Variants in MFGE8 observed in about 807,000 individuals in gnomAD.
MFGE8 encodes lactadherin.
Under a neutral mutation model 42.6 loss-of-function variants are expected in MFGE8, and 34 were observed. The observed-to-expected ratio is 0.80, with a 90% confidence interval of 0.61 to 1.06. MFGE8 has a LOEUF of 1.06. Ranked by LOEUF, MFGE8 falls within the 50% of genes least tolerant of loss-of-function variation. The pLI is 0.00. For missense variants in MFGE8, 510 were observed against 516.9 expected, an observed-to-expected ratio of 0.99 and a Z score of 0.13; for synonymous variants, 230 against 214.8, an observed-to-expected ratio of 1.07 and a Z score of -0.62.
chr15:88,901,774 A>G (rs1453186799), intron 5 of MFGE8, 39 bp from the exon 6 acceptor site: 3 of 1,599,560 alleles, frequency 1.9e-6, no homozygotes, highest in African/African-American at 2.7e-5. Context: ...TCTGGGATCC[A>G]CAGCTCCCAG....
intron 1 of MFGE8, chr15:88,912,123 C>A: frequency 7.8e-7 from 1 of 1,289,790 alleles, no homozygotes. Flanking sequence ...AGCCACGTTA[C>A]CTGTGTGTAA....
intron 2 of MFGE8, 86 bp from the exon 3 acceptor site, chr15:88,907,462 G>C (rs1481013212): frequency 1.6e-6 from 2 of 1,231,938 alleles, no homozygotes; most frequent in East Asian, 2.3e-5. Flanking sequence ...AAATAAGACT[G>C]TATGACCTCT....
rs762684086 is a variant in MFGE8, at chr15:88,901,281, TCACATTCACA to T, written c.870+260_870+269del. Among the ~76,000 whole-genome samples the T allele has an allele frequency of 3.5e-4, 34 of 97,862 alleles. No homozygotes were observed. The South Asian group carries it at 3.5e-3, about 10-fold the overall frequency. The allele number at this position is 97,862 out of a possible 152,430, so 64.2% of individuals were successfully genotyped here. A position where few individuals can be genotyped will look rare whatever the true frequency, so the allele number is the denominator to read the frequency against. On this transcript the variant is annotated intron_variant, in intron 6 of 7. Coordinates refer to ENST00000268150, the MANE Select transcript of MFGE8 (RefSeq NM_005928.4). Reference sequence around the variant, plus strand: ...TTCACACGCACGCATTCACACACACTCACATTCACACACATTCACACACTCACACACACAC... The same window carrying T: ...TTCACACGCACGCATTCACACACACTCACATTCACACACTCACACACACAC...
At chr15:88,912,088 G>C (rs1409530245) in intron 1 of MFGE8, 1 of 1,286,024 alleles carries the variant, frequency 7.8e-7, no homozygotes, top group African/African-American at 1.5e-5. Context: ...TGGGAAAAAG[G>C]GAAAGGGAAA....
chr15:88,908,087 G>T (rs891900079), intron 2 of MFGE8, among the ~76,000 whole-genome samples: 1 of 152,082 alleles, frequency 6.6e-6, no homozygotes, highest in African/African-American at 2.4e-5. Flanking sequence ...CATGCCCGTG[G>T]CCAAGGCCCC....
chr15:88,913,256 C>G lies in MFGE8; in HGVS notation c.64G>C (p.Val22Leu), dbSNP rs1166140103. The G allele has an allele frequency of 1.2e-5, 18 of 1,505,492 alleles. No homozygotes were observed. Among genetic ancestry groups the G allele is most frequent in the Non-Finnish European group, 1.8e-6 (2 of 1,135,124 alleles). 93.3% of individuals were successfully genotyped at this position (1,505,492 alleles called of 1,614,324 possible). A position where few individuals can be genotyped will look rare whatever the true frequency, so the allele number is the denominator to read the frequency against. Residue 22 changes from valine to leucine, a missense_variant, in exon 1 of 8, where the codon GTC becomes CTC. Coordinates refer to ENST00000268150, the MANE Select transcript of MFGE8 (RefSeq NM_005928.4). ...GGCGCGATCCACTCACCCAGGGCGA[C>G]GAGGAGGCTGGGGGCGCAGAGCAGC... is the stretch of plus-strand genomic sequence containing the variant. ...GALLCAPSLL[V>L]ALDICSKNPC...
chr15:88,912,196 G>A (rs529563132), intron 1 of MFGE8: 118 of 1,289,224 alleles, frequency 9.2e-5, no homozygotes, highest in Non-Finnish European at 1.2e-4. Context: ...AACATCTTTG[G>A]GACTTCAGAG....
intron 2 of MFGE8, among the ~76,000 whole-genome samples, chr15:88,909,092 G>A (rs376277909): frequency 6.6e-6 from 1 of 152,352 alleles, no homozygotes; most frequent in East Asian, 1.9e-4. Context: ...GAGTCCTAGT[G>A]GGGTGGGAGC....
intron 6 of MFGE8, among the ~76,000 whole-genome samples, chr15:88,901,245 ACACG>A (rs564241543): frequency 0.16 from 10,999 of 69,210 alleles, 2,014 homozygotes; most frequent in Middle Eastern, 0.26. Context: ...ACACACATTC[ACACG>A]CACGCATTCA....
intron 1 of MFGE8, chr15:88,912,783 G>A (rs1332938587): frequency 2.7e-5 from 27 of 985,294 alleles, no homozygotes; most frequent in Non-Finnish European, 3.1e-5. Flanking sequence ...GGACAATTGG[G>A]AGCGCAAAAA....
At chr15:88,913,057 G>A (rs1899040560) in intron 1 of MFGE8, 190 bp downstream of exon 1, 1 of 985,354 alleles carries the variant, frequency 1.0e-6, no homozygotes, top group African/African-American at 1.7e-5. Flanking sequence ...AAGCCCCAGC[G>A]CAGAGACAGC....
chr15:88,901,023 TCA>T (rs1224269887), intron 6 of MFGE8, among the ~76,000 whole-genome samples: 12 of 54,286 alleles, frequency 2.2e-4, no homozygotes, highest in South Asian at 1.2e-3. Context: ...ACACACATTC[TCA>T]CACACACATA....
rs1898238771 is a variant in MFGE8 at position 88,899,085 on chromosome 15, CAG to C, written c.*308_*309del. On this transcript the variant is annotated 3_prime_UTR_variant, in exon 8 of 8. Coordinates refer to ENST00000268150, the MANE Select transcript of MFGE8 (RefSeq NM_005928.4). The surrounding 1 kb of genome is among the most constrained non-coding windows in gnomAD (Gnocchi z 6.8). ...ACGCACCTGGGATCGGCGGTCCGGACAGGGGCAGGGAAACCACACGCCCTACT... is the reference window on the plus strand; with the variant it reads ...ACGCACCTGGGATCGGCGGTCCGGACGGGCAGGGAAACCACACGCCCTACT... 1 of 463,298 alleles carries C rather than the reference CAG, an allele frequency of 2.2e-6. No homozygotes were observed. 28.7% of individuals were successfully genotyped at this position (463,298 alleles called of 1,614,324 possible). A position where few individuals can be genotyped will look rare whatever the true frequency, so the allele number is the denominator to read the frequency against.
At chr15:88,900,182 C>T (rs1255740466) in intron 6 of MFGE8, among the ~76,000 whole-genome samples, 3 of 144,382 alleles carry the variant, frequency 2.1e-5, no homozygotes, top group Non-Finnish European at 4.5e-5. Flanking sequence ...GCGGAGGTTG[C>T]GGTGAGCCGA....
At chr15:88,901,512 A>ACCCCACCC in intron 6 of MFGE8, 39 bp downstream of exon 6, 1 of 667,136 alleles carries the variant, frequency 1.5e-6, no homozygotes, top group East Asian at 3.8e-5. Flanking sequence ...ACCTCATCCC[A>ACCCCACCC]CCCAACCCCA....
chr15:88,905,676 G>T lies in MFGE8; in HGVS notation c.685+81C>A. 6.3e-7 allele frequency: 1 copy of T among 1,587,620 alleles called. No individual in the cohort carries two copies. Among genetic ancestry groups the T allele is most frequent in the Non-Finnish European group, 8.6e-7 (1 of 1,159,880 alleles). On this transcript the variant is annotated intron_variant, in intron 5 of 7. Transcript: ENST00000268150. This position sits in a 1 kb window ranked among gnomAD's most constrained non-coding sequence, Gnocchi z 6.6. ...GTTGCTGCCCTACCTAGCTCAGTTT[G>T]GCTGAGAAAAGAGGCAGCAGGGAGG...
Position 88,901,163 on chromosome 15 carries a change from TCA to T in MFGE8, c.870+386_870+387del, listed in dbSNP as rs1335179230. Among the ~76,000 whole-genome samples the T allele has an allele frequency of 7.8e-5, 7 of 89,178 alleles. 2 individuals are homozygous for T. The highest frequency in any genetic ancestry group is 4.4e-4 in the South Asian group (1 of 2,264). 58.5% of individuals were successfully genotyped at this position (89,178 alleles called of 152,430 possible). ...CACACACACATTCTCACACACACAT[TCA>T]CACACATTCTCACACATTCACACAC... On this transcript the variant is annotated intron_variant, in intron 6 of 7. Coordinates refer to ENST00000268150, the MANE Select transcript of MFGE8 (RefSeq NM_005928.4).
At chr15:88,912,816 T>C (rs1899030352) in intron 1 of MFGE8, 1 of 985,238 alleles carries the variant, frequency 1.0e-6, no homozygotes, top group South Asian at 4.7e-5. Flanking sequence ...TCCAGCCAAC[T>C]GGAGTTGGCA....
intron 2 of MFGE8, among the ~76,000 whole-genome samples, chr15:88,907,600 G>C (rs1323947421): frequency 6.6e-6 from 1 of 152,136 alleles, no homozygotes; most frequent in Non-Finnish European, 1.5e-5. Flanking sequence ...GTGAGGATGA[G>C]GGGGGTGGGC....
Sources: allele counts gnomAD v4.1 joint callset (sites outside exome capture counted in the v4.1 genomes callset), GRCh38; gene constraint gnomAD v4.1.1; non-coding constraint Gnocchi (gnomAD v3.1); transcripts MANE v1.5; gene names NCBI Gene and HGNC (gene_info 2026-07-23, HGNC 2026-07-21).